The following FMO5 variants were observed in gnomAD, a reference collection of about 807,000 sequenced individuals.
The protein encoded by FMO5 is flavin-containing monooxygenase 5.
Under a neutral mutation model 43.6 loss-of-function variants are expected in FMO5, and 51 were observed. The ratio of observed to expected loss-of-function variants is 1.17; its 90% CI spans 0.93 to 1.48. The LOEUF (loss-of-function observed/expected upper bound fraction) is 1.48. Ranked by LOEUF, FMO5 falls within the 40% of genes most tolerant of loss-of-function variation. The pLI, the probability that FMO5 is intolerant of heterozygous loss-of-function variation, is 0.00. For missense variants in FMO5, 644 were observed against 643.0 expected, an observed-to-expected ratio of 1.00 and a Z score of -0.02; for synonymous variants, 187 against 216.5, an observed-to-expected ratio of 0.86 and a Z score of 1.20.
At chr1:147,223,625 A>C in intron 2 of FMO5, 1 of 157,436 alleles carries the variant, frequency 6.4e-6, no homozygotes, top group Admixed American at 6.5e-5. Context: ...GCAGGAAGAC[A>C]AAAAAGTTGT....
chr1:147,221,961 C>T (rs1309334724), intron 2 of FMO5, among the ~76,000 whole-genome samples: 1 of 152,212 alleles, frequency 6.6e-6, no homozygotes, highest in Non-Finnish European at 1.5e-5. Context: ...GCTTCTGCTC[C>T]TGCATTTTAC....
chr1:147,208,719 G>A (rs1197523902), intron 6 of FMO5, 133 bp downstream of exon 6: 45 of 696,980 alleles, frequency 6.5e-5, no homozygotes, highest in Middle Eastern at 2.8e-4. Context: ...GATTACAGGC[G>A]TGAGCCACCA....
chr1:147,226,938 C>T (rs1302581592), upstream of FMO5, among the ~76,000 whole-genome samples: 20 of 151,538 alleles, frequency 1.3e-4, no homozygotes, highest in Admixed American at 1.2e-3. Context: ...GCTCAATCTA[C>T]CCTCCCACCT....
At chr1:147,194,836 C>T (rs1307271323) in intron 7 of FMO5, among the ~76,000 whole-genome samples, 27 of 151,974 alleles carry the variant, frequency 1.8e-4, no homozygotes, top group African/African-American at 6.3e-4. Context: ...AATATTGGCC[C>T]CCACTCTCTT....
intron 2 of FMO5, among the ~76,000 whole-genome samples, chr1:147,220,984 G>C (rs1318147776): frequency 6.8e-6 from 1 of 147,366 alleles, no homozygotes; most frequent in African/African-American, 2.5e-5. Flanking sequence ...TGGATAGTAT[G>C]TACCCTTGAT....
chr1:147,189,709 G>A (rs782009852), intron 8 of FMO5, among the ~76,000 whole-genome samples: 7 of 152,156 alleles, frequency 4.6e-5, no homozygotes, highest in Non-Finnish European at 1.0e-4. Context: ...TTCATACCAT[G>A]AGCCACTGTG....
Position 147,187,092 on chromosome 1 carries a change from T to G in FMO5, c.1410A>C (p.Pro470=). ...CAGGGCCCTGTACACGATAGTGGAT[T>G]GGAGTGCAGGGTCCCAGTAATAAGT... ...ALHLLLGPCT[P]IHYRVQGPGK... Residue 470 remains proline (P), a synonymous_variant, in exon 9 of 9, where the codon CCA becomes CCC. Coordinates refer to ENST00000254090, the MANE Select transcript of FMO5 (RefSeq NM_001461.4). 6.2e-7 allele frequency: 1 copy of G among 1,614,078 alleles called. No individual in the cohort carries two copies.
intron 6 of FMO5, among the ~76,000 whole-genome samples, chr1:147,205,736 C>T (rs1659880169): frequency 2.6e-5 from 4 of 152,234 alleles, no homozygotes; most frequent in Admixed American, 6.5e-5. Flanking sequence ...AAACTTGATC[C>T]CTTCCTTACA....
chr1:147,214,274 A>G (rs937343899), intron 3 of FMO5, among the ~76,000 whole-genome samples: 4 of 152,052 alleles, frequency 2.6e-5, no homozygotes, highest in Non-Finnish European at 4.4e-5. Flanking sequence ...CAACATGGCG[A>G]AACCCCGTCT....
intron 2 of FMO5, among the ~76,000 whole-genome samples, chr1:147,222,475 A>G (rs1663210429): frequency 6.6e-6 from 1 of 152,080 alleles, no homozygotes; most frequent in Admixed American, 6.6e-5. Context: ...AAATGGGAGG[A>G]ATGAGGACAG....
intron 7 of FMO5, among the ~76,000 whole-genome samples, chr1:147,195,424 T>C (rs2044151): frequency 0.59 from 90,164 of 152,004 alleles, 28,845 homozygotes; most frequent in East Asian, 0.87. Flanking sequence ...TGAGCCACCA[T>C]GCCCAGCCAA....
chr1:147,194,692 G>A (rs1471651687), intron 7 of FMO5, among the ~76,000 whole-genome samples: 1 of 152,010 alleles, frequency 6.6e-6, no homozygotes, highest in Admixed American at 6.6e-5. Flanking sequence ...AGCTCTTTTA[G>A]AGCAGGCCTG....
chr1:147,209,437 CAAA>C (rs34426233), intron 5 of FMO5, among the ~76,000 whole-genome samples: 5 of 109,894 alleles, frequency 4.5e-5, no homozygotes, highest in African/African-American at 1.8e-4. Flanking sequence ...GACTCCGTCT[CAAA>C]AAAAAAAAAA....
rs11577541 is a variant in FMO5 at position 147,192,483 on chromosome 1, C to T, written c.1184-2234G>A. ...CAGGGACAATTTGACTTCCTCTTTTCCTAATCGAATACCCTTTATTTCCTT... is the reference window on the plus strand; with the variant it reads ...CAGGGACAATTTGACTTCCTCTTTTTCTAATCGAATACCCTTTATTTCCTT... On this transcript the variant is annotated intron_variant, in intron 7 of 8. Transcript: ENST00000254090. 8.5e-3 allele frequency among the ~76,000 whole-genome samples: 1,298 copies of T among 152,174 alleles called. 8 individuals are homozygous for T. The highest frequency in any genetic ancestry group is 0.013 in the Non-Finnish European group (862 of 68,030).
Position 147,201,181 on chromosome 1 carries a change from T to C in FMO5, c.1154A>G (p.Gln385Arg), listed in dbSNP as rs1658902182. Reference protein sequence around the residue: ...LGAIMPISELQGRWATQVFKG... With the variant: ...LGAIMPISELRGRWATQVFKG... Reference sequence around the variant, plus strand: ...AAATACCTGAGTGGCCCAGCGTCCTTGGAGCTCTGAAATGGGCATAATGGC... The same window carrying C: ...AAATACCTGAGTGGCCCAGCGTCCTCGGAGCTCTGAAATGGGCATAATGGC... Residue 385 changes from glutamine to arginine, a missense_variant, in exon 7 of 9, where the codon CAA becomes CGA. Coordinates refer to ENST00000254090, the MANE Select transcript of FMO5 (RefSeq NM_001461.4). 6.2e-7 allele frequency: 1 copy of C among 1,613,684 alleles called. No homozygotes were observed. Among genetic ancestry groups the C allele is most frequent in the Non-Finnish European group, 8.5e-7 (1 of 1,179,856 alleles).
At chr1:147,212,234 T>C (rs969799851) in intron 5 of FMO5, among the ~76,000 whole-genome samples, 159 bp downstream of exon 5, 6 of 152,230 alleles carry the variant, frequency 3.9e-5, no homozygotes, top group African/African-American at 1.4e-4. Context: ...CCAATCACCA[T>C]GTTGCCAACT....
chr1:147,190,619 A>G (rs1656530463), intron 7 of FMO5, among the ~76,000 whole-genome samples: 1 of 152,158 alleles, frequency 6.6e-6, no homozygotes, highest in Non-Finnish European at 1.5e-5. Flanking sequence ...ACACAGCTGC[A>G]CCTGTATTCT....
In FMO5 at chr1:147,198,850, CAAAAAAAAAAA is replaced by C. The variant is rs151035141; in HGVS notation, c.1183+2291_1183+2301del. ...TGGGCGACAGAGCGAGACTGCATCTCAAAAAAAAAAAAAAAAAAAAAAAAAGAAAGAAAGAT... is the reference window on the plus strand; with the variant it reads ...TGGGCGACAGAGCGAGACTGCATCTCAAAAAAAAAAAAAAGAAAGAAAGAT... On this transcript the variant is annotated intron_variant, in intron 7 of 8. Coordinates refer to ENST00000254090, the MANE Select transcript of FMO5 (RefSeq NM_001461.4). Among the ~76,000 whole-genome samples the C allele has an allele frequency of 3.3e-3, 173 of 51,784 alleles. 1 individual carries two copies. Among genetic ancestry groups the C allele is most frequent in the African/African-American group, 0.012 (170 of 14,342 alleles). 34.0% of individuals were successfully genotyped at this position (51,784 alleles called of 152,430 possible).
chr1:147,191,398 C>T (rs370473015), intron 7 of FMO5, among the ~76,000 whole-genome samples: 190 of 152,020 alleles, frequency 1.2e-3, no homozygotes, highest in African/African-American at 4.5e-3. Context: ...AGATGGTATC[C>T]CATTGTGGTT....
Sources: gnomAD v4.1 joint callset for allele counts (sites outside exome capture counted in the v4.1 genomes callset) on GRCh38, gnomAD v4.1.1 for gene constraint, MANE v1.5 for transcripts, NCBI Gene and HGNC (gene_info 2026-07-23, HGNC 2026-07-21) for gene names.